ZNF462: variants seen among roughly 807,000 people sequenced by gnomAD.
ZNF462 encodes the protein zinc finger protein 462, also known as zinc finger PBX1-interacting protein.
In ZNF462, 10 loss-of-function variants were observed where a neutral mutation model predicts 201.9. The ratio of observed to expected loss-of-function variants is 0.05; its 90% CI spans 0.03 to 0.08. The LOEUF is 0.08. Ranked by LOEUF, ZNF462 falls within the 10% of genes least tolerant of loss-of-function variation. ZNF462 has a pLI of 1.00. For synonymous variants in ZNF462, 1,227 were observed against 1,193.3 expected (o/e 1.03, Z -0.58); for missense variants, 2,523 against 3,168.3 (o/e 0.80, Z 4.89).
At chr9:106,863,050 A>G (rs1587958735), upstream of ZNF462, 7 of 379,286 alleles carry the variant, frequency 1.8e-5, no homozygotes, top group Non-Finnish European at 3.2e-5. Flanking sequence ...AGGGAGAGGG[A>G]GGAGAGGAGA....
At chr9:106,863,615 G>A (rs1325275601) in intron 1 of ZNF462, among the ~76,000 whole-genome samples, 1 of 151,674 alleles carries the variant, frequency 6.6e-6, no homozygotes, top group African/African-American at 2.4e-5. Flanking sequence ...AGGAGGAGGA[G>A]GAAGAGGAGG....
chr9:106,995,169 G>C (rs1051895144), intron 10 of ZNF462, among the ~76,000 whole-genome samples: 2 of 152,074 alleles, frequency 1.3e-5, no homozygotes, highest in Admixed American at 1.3e-4. Context: ...TTGAGTACTT[G>C]TGTCTGAAGT....
upstream of ZNF462, among the ~76,000 whole-genome samples, chr9:106,861,822 A>C (rs1827074881): frequency 6.6e-6 from 1 of 152,206 alleles, no homozygotes; most frequent in Non-Finnish European, 1.5e-5. Context: ...ATAAAAATTC[A>C]AGGTGTGAAA....
rs1000927017 is a variant in ZNF462 at position 106,905,428 on chromosome 9, A to G, written c.-30-17926A>G. On this transcript the variant is annotated intron_variant, in intron 1 of 12. Transcript: ENST00000277225. The surrounding 1 kb of genome is among the most constrained non-coding windows in gnomAD (Gnocchi z 5.9). ...TGCCAGGAGGTGGCACTTTCTAAAA[A>G]CTGTCAGCTATAGTAGTGTGGAGAG... 4.6e-5 allele frequency among the ~76,000 whole-genome samples: 7 copies of G among 152,086 alleles called. No homozygotes were observed. Among genetic ancestry groups the G allele is most frequent in the African/African-American group, 1.7e-4 (7 of 41,404 alleles).
rs546041408 is a variant in ZNF462 at position 106,943,465 on chromosome 9, C to T, written c.6427+4358C>T. 2.6e-5 allele frequency among the ~76,000 whole-genome samples: 4 copies of T among 152,278 alleles called. No homozygotes were observed. The South Asian group carries it at 8.3e-4, about 32-fold the overall frequency. ...CAGTGGCTTCACTAGCAAATACTGA[C>T]ATTCCTACCATCTCTCTACTTACTA... On this transcript the variant is annotated intron_variant, in intron 7 of 12. Coordinates refer to ENST00000277225, the MANE Select transcript of ZNF462 (RefSeq NM_021224.6).
rs533701998 is a variant in ZNF462, at chr9:106,967,746, A to G, written c.6428-4259A>G. 4.6e-5 allele frequency among the ~76,000 whole-genome samples: 7 copies of G among 152,298 alleles called. No homozygotes were observed. In the East Asian group the frequency reaches 1.2e-3, roughly 25 times the overall value. ...CATCTAACTAAAGCATGACATTTAG[A>G]CAGATAGGTTTCCAGTTCTGGGTAT... On this transcript the variant is annotated intron_variant, in intron 7 of 12. Coordinates refer to ENST00000277225, the MANE Select transcript of ZNF462 (RefSeq NM_021224.6).
At chr9:106,898,300 A>G (rs934952191) in intron 1 of ZNF462, among the ~76,000 whole-genome samples, 1 of 152,094 alleles carries the variant, frequency 6.6e-6, no homozygotes, top group Non-Finnish European at 1.5e-5. Flanking sequence ...GTGCTGTGTG[A>G]AAATGTTTGG....
chr9:107,002,729 G>C (rs1157814542), intron 10 of ZNF462, among the ~76,000 whole-genome samples: 2 of 152,178 alleles, frequency 1.3e-5, no homozygotes, highest in Non-Finnish European at 1.5e-5. Flanking sequence ...AAAAACAGTA[G>C]TAACACTAAC....
In ZNF462 at chr9:106,872,594, C is replaced by T. The variant is rs1367873398; in HGVS notation, c.-31+9239C>T. Among the ~76,000 whole-genome samples, 1 of 152,116 alleles carries T rather than the reference C, an allele frequency of 6.6e-6. No homozygotes were observed. Among genetic ancestry groups the T allele is most frequent in the Non-Finnish European group, 1.5e-5 (1 of 68,022 alleles). On this transcript the variant is annotated intron_variant, in intron 1 of 12. Transcript: ENST00000277225. This position sits in a 1 kb window ranked among gnomAD's most constrained non-coding sequence, Gnocchi z 4.5. ...TCCAGGCTGGTCTCGAACTCCTGAG[C>T]TCAGGCAATCTGCCTGCCTCGGCCT...
At position 106,929,310 on chromosome 9, in the gene ZNF462, G is replaced by A. The variant is rs1349280476; in HGVS notation, c.5398G>A (p.Ala1800Thr). 7 of 1,614,024 alleles carry A rather than the reference G, an allele frequency of 4.3e-6. No homozygotes were observed. The highest frequency in any genetic ancestry group is 1.1e-5 in the South Asian group (1 of 91,078). The change falls in exon 3 of 13, where the codon GCC (alanine) becomes ACC (threonine). Residue 1800 changes from alanine (A) to threonine (T), a missense_variant. By Grantham distance (58) the Ala-to-Thr change is moderately conservative. Coordinates refer to ENST00000277225, the MANE Select transcript of ZNF462 (RefSeq NM_021224.6). This position sits in a 1 kb window ranked among gnomAD's most constrained non-coding sequence, Gnocchi z 8.7. ...HPGVFPKKQHASKLGGYFTAV... is the reference protein window; with the variant it reads ...HPGVFPKKQHTSKLGGYFTAV... ...AGGGGTGTTCCCAAAGAAGCAGCAC[G>A]CCAGCAAGTTGGGGGGCTACTTCAC... is the stretch of plus-strand genomic sequence containing the variant.
rs558779997 is a variant in ZNF462, at chr9:106,935,924, C to T, written c.6235+303C>T. On this transcript the variant is annotated intron_variant, in intron 6 of 12. Transcript: ENST00000277225. This position sits in a 1 kb window ranked among gnomAD's most constrained non-coding sequence, Gnocchi z 4.1. ...GATTTTTACAGAAATTTCTAAACTG[C>T]CTATACTTTCTAATTCAATTGCCAA... Among the ~76,000 whole-genome samples the T allele has an allele frequency of 1.6e-4, 25 of 152,288 alleles. No homozygotes were observed. The highest frequency in any genetic ancestry group is 5.8e-4 in the African/African-American group (24 of 41,546).
At position 106,924,670 on chromosome 9, in the gene ZNF462, C is replaced by G; in HGVS notation, c.758C>G (p.Pro253Arg). The change falls in exon 3 of 13, where the codon CCC becomes CGC. Residue 253 changes from proline to arginine, a missense_variant. Pro to Arg is a moderately radical substitution (Grantham distance 103). Transcript: ENST00000277225. This position sits in a 1 kb window ranked among gnomAD's most constrained non-coding sequence, Gnocchi z 6.2. The stretch of plus-strand genomic sequence containing the variant: ...TGTGAGTGGTGCAGCTACCAGACCC[C>G]CCGCCGAGAACGCTGGTGTGACCAC... ...FCCEWCSYQT[P>R]RRERWCDHMM... is the part of the protein sequence containing the mutation. 1 of 1,614,094 alleles carries G rather than the reference C, an allele frequency of 6.2e-7. No individual in the cohort carries two copies. Among genetic ancestry groups the G allele is most frequent in the Non-Finnish European group, 8.5e-7 (1 of 1,179,996 alleles).
At position 107,003,197 on chromosome 9, in the gene ZNF462, A is replaced by G; in HGVS notation, c.7057-97A>G. Reference sequence around the variant, plus strand: ...TGTTTGGTCCTGGTTGCAAAACCACAGTCACAGGAAAATGATGTTAGAAAG... The same window carrying G: ...TGTTTGGTCCTGGTTGCAAAACCACGGTCACAGGAAAATGATGTTAGAAAG... On this transcript the variant is annotated intron_variant, in intron 10 of 12. Coordinates refer to ENST00000277225, the MANE Select transcript of ZNF462 (RefSeq NM_021224.6). The surrounding 1 kb of genome is among the most constrained non-coding windows in gnomAD (Gnocchi z 4.4). The G allele has an allele frequency of 1.3e-6, 2 of 1,522,112 alleles. No individual in the cohort carries two copies. The highest frequency in any genetic ancestry group is 1.8e-6 in the Non-Finnish European group (2 of 1,132,542). The allele number at this position is 1,522,112 out of a possible 1,614,324, so 94.3% of individuals were successfully genotyped here.
At position 106,981,749 on chromosome 9, in the gene ZNF462, T is replaced by G. The variant is rs973639590; in HGVS notation, c.6833-2437T>G. Among the ~76,000 whole-genome samples the G allele has an allele frequency of 2.6e-5, 4 of 152,128 alleles. No individual in the cohort carries two copies. The highest frequency in any genetic ancestry group is 9.7e-5 in the African/African-American group (4 of 41,428). On this transcript the variant is annotated intron_variant, in intron 9 of 12. Transcript: ENST00000277225. The surrounding 1 kb of genome is among the most constrained non-coding windows in gnomAD (Gnocchi z 4.0). Reference sequence around the variant, plus strand: ...GTGGTAGAGGAATTGAAAAGGAGGCTCATAAAAAAGTTTGAAAGAACTGAT... The same window carrying G: ...GTGGTAGAGGAATTGAAAAGGAGGCGCATAAAAAAGTTTGAAAGAACTGAT...
chr9:106,922,391 A>G (rs1374042171), intron 1 of ZNF462, among the ~76,000 whole-genome samples: 2 of 152,244 alleles, frequency 1.3e-5, no homozygotes, highest in African/African-American at 4.8e-5. Context: ...TTTCAGTCAC[A>G]AAGTAAATAG....
At chr9:106,860,553 G>GTC (rs1051003712), upstream of ZNF462, among the ~76,000 whole-genome samples, 23 of 152,242 alleles carry the variant, frequency 1.5e-4, no homozygotes, top group Admixed American at 1.4e-3. The surrounding 1 kb of genome is among the most constrained non-coding windows in gnomAD (Gnocchi z 7.1). Flanking sequence ...AACCCAGAAG[G>GTC]TACCTTCACG....
Position 106,938,567 on chromosome 9 carries a change from T to C in ZNF462, c.6236-349T>C. Among the ~76,000 whole-genome samples, 1 of 152,222 alleles carries C rather than the reference T, an allele frequency of 6.6e-6. No homozygotes were observed. Among genetic ancestry groups the C allele is most frequent in the East Asian group, 1.9e-4 (1 of 5,194 alleles). ...GAATGAAACCTGACATGGTCATTTC[T>C]AGTGTAGAGAGGGAGGGAAAGGGAT... On this transcript the variant is annotated intron_variant, in intron 6 of 12. Transcript: ENST00000277225. The surrounding 1 kb of genome is among the most constrained non-coding windows in gnomAD (Gnocchi z 4.4).
chr9:106,888,866 C>T (rs955311986), intron 1 of ZNF462, among the ~76,000 whole-genome samples: 4 of 152,202 alleles, frequency 2.6e-5, no homozygotes, highest in Non-Finnish European at 4.4e-5. Flanking sequence ...ACAAACCTTT[C>T]CCATGTTCCT....
At chr9:106,995,254 G>C (rs961133213) in intron 10 of ZNF462, among the ~76,000 whole-genome samples, 8 of 152,046 alleles carry the variant, frequency 5.3e-5, no homozygotes, top group African/African-American at 1.9e-4. Flanking sequence ...TATGTTTTCT[G>C]ATTGTGACAC....
Sources: gnomAD v4.1 joint callset for allele counts (sites outside exome capture counted in the v4.1 genomes callset) on GRCh38, gnomAD v4.1.1 for gene constraint, Gnocchi (gnomAD v3.1) non-coding constraint, MANE v1.5 for transcripts, NCBI Gene and HGNC (gene_info 2026-07-23, HGNC 2026-07-21) for gene names.